Variants in SMCO2 observed in about 807,000 individuals in gnomAD.
SMCO2 encodes the protein single-pass membrane and coiled-coil domain-containing protein 2.
In SMCO2, 25 loss-of-function variants were observed where a neutral mutation model predicts 29.5. The observed-to-expected ratio is 0.85, with a 90% CI of 0.62 to 1.18. SMCO2 has a LOEUF of 1.18. Among genes scored for constraint, SMCO2 ranks in the 50% most tolerant of loss-of-function variants. The pLI is 0.00. For synonymous variants in SMCO2, 117 were observed against 123.3 expected (o/e 0.95, Z 0.34); for missense variants, 348 against 344.5 (o/e 1.01, Z -0.08).
the SMCO2 span, among the ~76,000 whole-genome samples, chr12:27,453,210 A>G: frequency 6.6e-6 from 1 of 152,186 alleles, no homozygotes; most frequent in African/African-American, 2.4e-5. Flanking sequence ...GTGGGAAGAC[A>G]TGTTCCGTGT....
the SMCO2 span, among the ~76,000 whole-genome samples, chr12:27,431,421 C>A: frequency 6.6e-6 from 1 of 152,142 alleles, no homozygotes; most frequent in Admixed American, 6.6e-5. Flanking sequence ...AACTCCATAC[C>A]ATTTCCTCTT....
At chr12:27,464,787 C>T (rs184219230), upstream of SMCO2, among the ~76,000 whole-genome samples, 1,068 of 148,154 alleles carry the variant, frequency 7.2e-3, 12 homozygotes, top group African/African-American at 0.025. Flanking sequence ...TTTGGGAGGC[C>T]GAGACGGGTG....
chr12:27,446,078 A>G, the SMCO2 span, among the ~76,000 whole-genome samples: 1 of 151,794 alleles, frequency 6.6e-6, no homozygotes, highest in Admixed American at 6.6e-5. Context: ...TACTTTTTGT[A>G]TTTTTAGTAG....
rs1325283462 is a variant in SMCO2, at chr12:27,475,703, AT to A, written c.362+791del. The A allele has an allele frequency of 3.2e-6, 5 of 1,549,428 alleles. 1 individual carries two copies. Among genetic ancestry groups the A allele is most frequent in the Middle Eastern group, 3.3e-4 (2 of 5,982 alleles). On this transcript the variant is annotated intron_variant, in intron 4 of 7. Transcript: ENST00000298876. ...GAAAATTGACAATATTATTAAAAAA[AT>A]AAATGTAACAGAAAACACAGTGAAG...
At chr12:27,458,946 G>A in the SMCO2 span, among the ~76,000 whole-genome samples, 8 of 150,688 alleles carry the variant, frequency 5.3e-5, no homozygotes, top group African/African-American at 1.7e-4. Context: ...CCAGCACTTT[G>A]GAAGGCCGAG....
At chr12:27,432,869 C>T in the SMCO2 span, among the ~76,000 whole-genome samples, 1 of 152,152 alleles carries the variant, frequency 6.6e-6, no homozygotes, top group African/African-American at 2.4e-5. Flanking sequence ...AGAAATCCTC[C>T]CAGACAAATT....
chr12:27,474,817 AG>A lies in SMCO2; in HGVS notation c.268del (p.Asp90ThrfsTer2). The A allele has an allele frequency of 6.4e-7, 1 of 1,551,782 alleles. No homozygotes were observed. Among genetic ancestry groups the A allele is most frequent in the Non-Finnish European group, 8.7e-7 (1 of 1,146,852 alleles). On this transcript the variant is annotated frameshift_variant, in exon 4 of 8. Transcript: ENST00000298876. LOFTEE classifies it high-confidence loss of function. The stretch of plus-strand genomic sequence containing the variant: ...TTGGAGCTAGAGGCTGAGCATGACC[AG>A]GACCTGAGTAAACAGGATAAGCAAG...
At chr12:27,450,892 C>T in the SMCO2 span, among the ~76,000 whole-genome samples, 2 of 152,164 alleles carry the variant, frequency 1.3e-5, no homozygotes, top group Non-Finnish European at 2.9e-5. Flanking sequence ...ATGAACGAGG[C>T]TATCCTCACA....
intron 6 of SMCO2, 29 bp downstream of exon 7, chr12:27,494,385 A>G (rs1208647245): frequency 7.5e-6 from 11 of 1,474,092 alleles, no homozygotes; most frequent in East Asian, 2.7e-5. Context: ...AATTCAAACA[A>G]TGATAAAATC....
At chr12:27,484,065 A>G (rs570340352) in intron 4 of SMCO2, among the ~76,000 whole-genome samples, 2 of 152,306 alleles carry the variant, frequency 1.3e-5, no homozygotes, top group South Asian at 4.1e-4. Flanking sequence ...TATATCTGGC[A>G]TCATTTTCCT....
chr12:27,486,326 A>G (rs1949688921), intron 4 of SMCO2, among the ~76,000 whole-genome samples: 1 of 151,956 alleles, frequency 6.6e-6, no homozygotes, highest in Admixed American at 6.6e-5. Context: ...TTCTCAACTC[A>G]CGGAGACCAC....
intron 7 of SMCO2, chr12:27,498,490 A>G (rs1234822923): frequency 1.3e-5 from 3 of 226,782 alleles, no homozygotes; most frequent in East Asian, 1.1e-4. Flanking sequence ...GTGGAGAGAT[A>G]TTGAAGGTGA....
chr12:27,456,755 A>G, the SMCO2 span, among the ~76,000 whole-genome samples: 1 of 152,164 alleles, frequency 6.6e-6, no homozygotes, highest in Non-Finnish European at 1.5e-5. Flanking sequence ...GTGCTGGTCT[A>G]GAGCAGGGGT....
At chr12:27,448,697 A>G in the SMCO2 span, among the ~76,000 whole-genome samples, 1 of 152,198 alleles carries the variant, frequency 6.6e-6, no homozygotes, top group African/African-American at 2.4e-5. Context: ...GCAGTAAACA[A>G]ATGACCTTTA....
At chr12:27,480,590 G>A (rs1423568104) in intron 4 of SMCO2, among the ~76,000 whole-genome samples, 1 of 152,194 alleles carries the variant, frequency 6.6e-6, no homozygotes, top group Non-Finnish European at 1.5e-5. Flanking sequence ...AGGTGTCTAA[G>A]TCACAGGGGC....
At chr12:27,480,894 AT>A (rs992790690) in intron 4 of SMCO2, among the ~76,000 whole-genome samples, 13 of 152,134 alleles carry the variant, frequency 8.5e-5, no homozygotes, top group Non-Finnish European at 2.9e-5. Context: ...GGTCTCAGGT[AT>A]TTCTTTATAG....
Position 27,474,539 on chromosome 12 carries a change from T to C in SMCO2, c.235-247T>C, listed in dbSNP as rs1243692509. On this transcript the variant is annotated intron_variant, in intron 3 of 7. Transcript: ENST00000298876. The stretch of plus-strand genomic sequence containing the variant: ...AGTCCGTGGTCAGATGGAATTCGAT[T>C]ACTCATCAGGACTGAAAAGAGCTCT... Among the ~76,000 whole-genome samples the C allele has an allele frequency of 2.6e-5, 4 of 152,290 alleles. No individual in the cohort carries two copies. The East Asian group carries it at 7.7e-4, about 29-fold the overall frequency.
the SMCO2 span, among the ~76,000 whole-genome samples, chr12:27,453,528 A>C: frequency 6.6e-6 from 1 of 152,262 alleles, no homozygotes; most frequent in African/African-American, 2.4e-5. Flanking sequence ...CCCACGCTGC[A>C]GAATTTCAAA....
At chr12:27,431,027 C>CTT in the SMCO2 span, among the ~76,000 whole-genome samples, 33 of 146,874 alleles carry the variant, frequency 2.2e-4, no homozygotes, top group Admixed American at 4.8e-4. Flanking sequence ...AATTTACTAT[C>CTT]TTTTTTTTTT....
Sources: gnomAD v4.1 joint callset for allele counts (sites outside exome capture counted in the v4.1 genomes callset) on GRCh38, gnomAD v4.1.1 for gene constraint, MANE v1.5 for transcripts, NCBI Gene and HGNC (gene_info 2026-07-23, HGNC 2026-07-21) for gene names.